The following ZNF804B variants were observed in gnomAD, a reference collection of about 807,000 sequenced individuals.
The protein encoded by ZNF804B is zinc finger 804B.
ZNF804B carries 80 observed loss-of-function variants against 101.4 expected under a neutral mutation model. That is an observed-to-expected ratio of 0.79 (90% CI 0.66 to 0.95). The LOEUF is 0.95. Among genes scored for constraint, ZNF804B ranks in the 40% least tolerant of loss-of-function variants. The probability of loss-of-function intolerance (pLI) is 0.00; values close to 1 mark genes in which losing one functional copy is unlikely to be tolerated. For synonymous variants in ZNF804B, 622 were observed against 558.8 expected, an observed-to-expected ratio of 1.11 and a Z score of -1.59; for missense variants, 1,673 against 1,561.9, an observed-to-expected ratio of 1.07 and a Z score of -1.20.
intron 1 of ZNF804B, among the ~76,000 whole-genome samples, chr7:88,897,864 G>C (rs1376078373): frequency 6.7e-6 from 1 of 149,700 alleles, no homozygotes; most frequent in Non-Finnish European, 1.5e-5. Flanking sequence ...GGGAAGAATA[G>C]TACTTTTTTT....
At chr7:89,086,251 AAAAGT>A (rs1188143501) in intron 1 of ZNF804B, among the ~76,000 whole-genome samples, 1 of 152,054 alleles carries the variant, frequency 6.6e-6, no homozygotes, top group Non-Finnish European at 1.5e-5. Flanking sequence ...GGGATAACAG[AAAAGT>A]AAACTTGTAA....
intron 2 of ZNF804B, among the ~76,000 whole-genome samples, chr7:89,251,731 A>G (rs1789544208): frequency 6.6e-6 from 1 of 152,170 alleles, no homozygotes; most frequent in Non-Finnish European, 1.5e-5. Flanking sequence ...ATGGAACACA[A>G]TGGAGAACCC....
At chr7:88,954,100 A>T (rs1438360870) in intron 1 of ZNF804B, among the ~76,000 whole-genome samples, 1 of 151,768 alleles carries the variant, frequency 6.6e-6, no homozygotes, top group East Asian at 2.0e-4. Context: ...TTAAATACTT[A>T]TGGTTTAAAC....
chr7:89,254,394 T>C (rs1411067062), intron 2 of ZNF804B, among the ~76,000 whole-genome samples: 2 of 151,482 alleles, frequency 1.3e-5, no homozygotes, highest in African/African-American at 4.8e-5. Flanking sequence ...TAAACTACCA[T>C]AAGATGAGTA....
intron 1 of ZNF804B, among the ~76,000 whole-genome samples, chr7:89,142,700 C>T (rs1041224981): frequency 2.0e-5 from 3 of 151,984 alleles, no homozygotes; most frequent in Admixed American, 2.0e-4. Flanking sequence ...GTTAGTTCAA[C>T]TTTTTCAGTC....
chr7:88,847,503 T>A (rs1016415259), intron 1 of ZNF804B, among the ~76,000 whole-genome samples: 1 of 152,114 alleles, frequency 6.6e-6, no homozygotes, highest in South Asian at 2.1e-4. Flanking sequence ...AAATTTTTAA[T>A]AAACTTGGAA....
intron 1 of ZNF804B, among the ~76,000 whole-genome samples, chr7:89,092,960 C>A (rs1050680958): frequency 1.3e-5 from 2 of 152,000 alleles, no homozygotes; most frequent in African/African-American, 4.8e-5. Flanking sequence ...CCTGAAAGAG[C>A]AAGGGAATAT....
intron 2 of ZNF804B, among the ~76,000 whole-genome samples, chr7:89,314,886 A>G (rs1790699264): frequency 6.6e-6 from 1 of 152,194 alleles, no homozygotes; most frequent in Non-Finnish European, 1.5e-5. Flanking sequence ...TTCCACTTCC[A>G]GAAAACTTCA....
chr7:89,153,729 T>C (rs1272326300), intron 1 of ZNF804B, among the ~76,000 whole-genome samples: 1 of 152,124 alleles, frequency 6.6e-6, no homozygotes, highest in Non-Finnish European at 1.5e-5. Context: ...GTTCTTTGCT[T>C]GCTTCTACTT....
intron 2 of ZNF804B, among the ~76,000 whole-genome samples, chr7:89,250,221 C>A (rs971636917): frequency 1.3e-5 from 2 of 151,636 alleles, no homozygotes; most frequent in Admixed American, 1.3e-4. Flanking sequence ...GAGAGAAGAT[C>A]CAAATAAGCA....
intron 1 of ZNF804B, among the ~76,000 whole-genome samples, chr7:89,201,426 T>C (rs1244698685): frequency 2.0e-5 from 3 of 152,000 alleles, no homozygotes; most frequent in African/African-American, 7.2e-5. Context: ...TCCAAAAGTG[T>C]CAGCATTGGA....
chr7:88,789,159 A>G (rs1482660466), intron 1 of ZNF804B, among the ~76,000 whole-genome samples: 1 of 152,134 alleles, frequency 6.6e-6, no homozygotes, highest in Non-Finnish European at 1.5e-5. Context: ...AAAATATAAG[A>G]AAACACAGAA....
At chr7:88,870,547 T>C (rs1791807271) in intron 1 of ZNF804B, among the ~76,000 whole-genome samples, 1 of 152,052 alleles carries the variant, frequency 6.6e-6, no homozygotes, top group Non-Finnish European at 1.5e-5. Context: ...CAATCTCAAT[T>C]CACATTCAAA....
At chr7:89,287,023 G>A (rs773445313) in intron 2 of ZNF804B, among the ~76,000 whole-genome samples, 4 of 151,944 alleles carry the variant, frequency 2.6e-5, no homozygotes. Flanking sequence ...GACACAATGA[G>A]GATGAAGATT....
In ZNF804B at chr7:89,222,079, T is replaced by C. The variant is rs142645103; in HGVS notation, c.249+3784T>C. ...TAAATGAGCTGGATTTCTTAAAGAC[T>C]GAATAGAAGCTAACTGTGTACTCAA... On this transcript the variant is annotated intron_variant, in intron 2 of 3. Transcript: ENST00000333190. Among the ~76,000 whole-genome samples the C allele has an allele frequency of 6.5e-3, 993 of 152,064 alleles. 9 individuals carry two copies. Among genetic ancestry groups the C allele is most frequent in the African/African-American group, 0.023 (951 of 41,520 alleles).
intron 1 of ZNF804B, among the ~76,000 whole-genome samples, chr7:88,899,527 A>G (rs976424986): frequency 6.6e-6 from 1 of 152,128 alleles, no homozygotes; most frequent in Admixed American, 6.5e-5. Flanking sequence ...TCACTTAAGA[A>G]TTGCCTCAGC....
intron 1 of ZNF804B, among the ~76,000 whole-genome samples, chr7:89,081,149 A>G (rs1032931129): frequency 6.6e-6 from 1 of 151,372 alleles, no homozygotes; most frequent in Non-Finnish European, 1.5e-5. Flanking sequence ...TGCTCCTTAG[A>G]TTGAGAAAAA....
At chr7:89,023,871 TCA>T (rs1788706521) in intron 1 of ZNF804B, among the ~76,000 whole-genome samples, 1 of 152,180 alleles carries the variant, frequency 6.6e-6, no homozygotes, top group Non-Finnish European at 1.5e-5. Context: ...ATTTTTCATG[TCA>T]CAATTTTCCC....
chr7:89,289,722 G>A (rs994561499), intron 2 of ZNF804B, among the ~76,000 whole-genome samples: 1 of 152,160 alleles, frequency 6.6e-6, no homozygotes, highest in African/African-American at 2.4e-5. Context: ...GTTGCTGCAA[G>A]CCTTGTCACC....
Sources: gnomAD v4.1 joint callset for allele counts (sites outside exome capture counted in the v4.1 genomes callset) on GRCh38, gnomAD v4.1.1 for gene constraint, MANE v1.5 for transcripts, NCBI Gene and HGNC (gene_info 2026-07-23, HGNC 2026-07-21) for gene names.